NRXN3: variants seen among roughly 807,000 people sequenced by gnomAD.
The protein encoded by NRXN3 is neurexin 3, also known as neurexin III.
Under a neutral mutation model 137.6 loss-of-function variants are expected in NRXN3, and 32 were observed. That is an observed-to-expected ratio of 0.23 (90% CI 0.18 to 0.31). The LOEUF (loss-of-function observed/expected upper bound fraction) is 0.31. Ranked by LOEUF, NRXN3 falls within the 10% of genes least tolerant of loss-of-function variation. The pLI is 1.00. For synonymous variants in NRXN3, 798 were observed against 784.5 expected (o/e 1.02, Z -0.29); for missense variants, 1,574 against 2,062.5 (o/e 0.76, Z 4.59).
At chr14:79,677,408 A>G (rs1811403035) in intron 17 of NRXN3, among the ~76,000 whole-genome samples, 1 of 152,154 alleles carries the variant, frequency 6.6e-6, no homozygotes. Context: ...TGTTTCAAAT[A>G]AAATAAAAAT....
At chr14:79,008,659 TG>T (rs2099561282) in intron 15 of NRXN3, among the ~76,000 whole-genome samples, 1 of 146,682 alleles carries the variant, frequency 6.8e-6, no homozygotes, top group Non-Finnish European at 1.5e-5. Context: ...TTTTTCTCTT[TG>T]CTTTTTTTTT....
chr14:78,344,388 T>A (rs1484217183), intron 4 of NRXN3, among the ~76,000 whole-genome samples: 1 of 152,200 alleles, frequency 6.6e-6, no homozygotes, highest in African/African-American at 2.4e-5. Context: ...TTTAGGATTC[T>A]CTCACATGAC....
intron 19 of NRXN3, among the ~76,000 whole-genome samples, chr14:79,705,628 C>T (rs1376229108): frequency 1.3e-5 from 2 of 152,120 alleles, no homozygotes; most frequent in Non-Finnish European, 2.9e-5. Flanking sequence ...ATGTGCCAAG[C>T]GTGCCTGTGC....
At chr14:78,551,544 T>A (rs1044778445) in intron 4 of NRXN3, among the ~76,000 whole-genome samples, 1 of 151,894 alleles carries the variant, frequency 6.6e-6, no homozygotes, top group South Asian at 2.1e-4. Context: ...TCTAGTTTTT[T>A]AATCTCACCT....
Position 78,709,253 on chromosome 14 carries a change from T to A in NRXN3, c.1258T>A (p.Ser420Thr). 1 of 1,614,046 alleles carries A rather than the reference T, an allele frequency of 6.2e-7. No homozygotes were observed. The highest frequency in any genetic ancestry group is 8.5e-7 in the Non-Finnish European group (1 of 1,179,976). Residue 420 changes from serine to threonine, a missense_variant, in exon 7 of 21, where the codon TCT (serine) becomes ACT (threonine). Physicochemically the swap from Ser to Thr is moderately conservative, Grantham distance 58. This residue lies in a region of NRXN3 where 718 missense variants were observed against 887.6 expected (regional missense o/e 0.81). Transcript: ENST00000335750. The stretch of plus-strand genomic sequence containing the variant: ...GAATAATGACATCCGTCTGGAGCTG[T>A]CTCGCCTGGCCCGGATTGCGGACAC... Reference protein sequence around the residue: ...YKNNDIRLELSRLARIADTKM... With the variant: ...YKNNDIRLELTRLARIADTKM...
intron 15 of NRXN3, among the ~76,000 whole-genome samples, chr14:79,250,164 G>C (rs935475456): frequency 2.0e-5 from 3 of 152,072 alleles, no homozygotes; most frequent in African/African-American, 7.2e-5. Flanking sequence ...AGTAAAAATA[G>C]TAAGTGTGTA....
intron 2 of NRXN3, among the ~76,000 whole-genome samples, chr14:78,251,273 T>TA (rs957579801): frequency 3.0e-4 from 45 of 151,266 alleles, no homozygotes; most frequent in African/African-American, 7.0e-4. Context: ...TCTCTGCATG[T>TA]AAAAAAAAAC....
intron 4 of NRXN3, among the ~76,000 whole-genome samples, chr14:78,367,501 A>G (rs939257818): frequency 2.0e-5 from 3 of 152,144 alleles, no homozygotes; most frequent in African/African-American, 7.2e-5. Context: ...TATGCTTACA[A>G]TTCACAACCA....
At chr14:79,663,538 T>C (rs947727621) in intron 16 of NRXN3, among the ~76,000 whole-genome samples, 1 of 152,098 alleles carries the variant, frequency 6.6e-6, no homozygotes, top group Non-Finnish European at 1.5e-5. Flanking sequence ...TGAGGGGAAT[T>C]GAATGATGTA....
In NRXN3 at chr14:78,751,023, G is replaced by A. The variant is rs59924061; in HGVS notation, c.2044+35884G>A. ...AAGCGGGGAGGCCGTTTTGTCATGC[G>A]GCTTAGGTGGAGGAGAGATAGTAAG... On this transcript the variant is annotated intron_variant, in intron 8 of 20. Coordinates refer to ENST00000335750, the MANE Select transcript of NRXN3 (RefSeq NM_001330195.2). Among the ~76,000 whole-genome samples, 846 of 152,250 alleles carry A rather than the reference G, an allele frequency of 5.6e-3. 26 individuals are homozygous for A. The East Asian group carries it at 0.11, about 20-fold the overall frequency.
chr14:79,032,167 G>A (rs1247336269), intron 15 of NRXN3, among the ~76,000 whole-genome samples: 1 of 152,056 alleles, frequency 6.6e-6, no homozygotes, highest in African/African-American at 2.4e-5. Flanking sequence ...AGTATTTAAA[G>A]GTACTTGATA....
intron 15 of NRXN3, among the ~76,000 whole-genome samples, chr14:79,398,842 T>C (rs933429673): frequency 5.9e-5 from 9 of 151,636 alleles, no homozygotes; most frequent in African/African-American, 1.9e-4. Flanking sequence ...AAACCCTGTC[T>C]CTACTAAAAA....
At chr14:78,396,018 CA>C (rs2091417390) in intron 4 of NRXN3, among the ~76,000 whole-genome samples, 1 of 151,734 alleles carries the variant, frequency 6.6e-6, no homozygotes, top group Non-Finnish European at 1.5e-5. Context: ...TCTACTATTT[CA>C]TTGTTTTCTA....
rs1490845219 is a variant in NRXN3 at position 79,867,749 on chromosome 14, G to T, written c.*5785G>T. The T allele has an allele frequency of 6.6e-6, 1 of 152,140 alleles. No individual in the cohort carries two copies. Among genetic ancestry groups the T allele is most frequent in the Non-Finnish European group, 1.5e-5 (1 of 68,052 alleles). 9.4% of individuals were successfully genotyped at this position (152,140 alleles called of 1,614,324 possible). On this transcript the variant is annotated 3_prime_UTR_variant, in exon 21 of 21. Coordinates refer to ENST00000335750, the MANE Select transcript of NRXN3 (RefSeq NM_001330195.2). Reference sequence around the variant, plus strand: ...GGGAAGCAATTCTAACCTTTTTGAAGTGGTTACATGGCCCAAGTAGAAGAG... The same window carrying T: ...GGGAAGCAATTCTAACCTTTTTGAATTGGTTACATGGCCCAAGTAGAAGAG...
At chr14:78,321,003 C>A in intron 4 of NRXN3, among the ~76,000 whole-genome samples, 1 of 150,746 alleles carries the variant, frequency 6.6e-6, no homozygotes, top group East Asian at 1.9e-4. Flanking sequence ...GTAATCCCAG[C>A]TACTCAGGAG....
At chr14:79,517,087 G>A (rs1477579181) in intron 16 of NRXN3, among the ~76,000 whole-genome samples, 2 of 88,706 alleles carry the variant, frequency 2.3e-5, no homozygotes, top group Non-Finnish European at 4.6e-5. Flanking sequence ...TTACACAAAT[G>A]TACAGCCCCC....
At chr14:79,646,946 G>A (rs773084376) in intron 16 of NRXN3, among the ~76,000 whole-genome samples, 3 of 135,352 alleles carry the variant, frequency 2.2e-5, no homozygotes, top group Non-Finnish European at 3.4e-5. Flanking sequence ...TTTCATCTTT[G>A]TAGGAGGCAA....
intron 20 of NRXN3, among the ~76,000 whole-genome samples, chr14:79,832,435 C>G (rs549801474): frequency 2.0e-5 from 3 of 152,252 alleles, no homozygotes; most frequent in African/African-American, 4.8e-5. Context: ...GACCCTGAGC[C>G]GGTGCCTTAA....
At chr14:79,282,268 G>A (rs1168833131) in intron 15 of NRXN3, among the ~76,000 whole-genome samples, 4 of 152,164 alleles carry the variant, frequency 2.6e-5, no homozygotes, top group African/African-American at 9.7e-5. Context: ...GGAAGCCAGA[G>A]AGACTGTTAC....
Sources: gnomAD v4.1 joint callset for allele counts (sites outside exome capture counted in the v4.1 genomes callset) on GRCh38, gnomAD v4.1.1 for gene constraint, gnomAD v4.1.1 regional missense constraint, MANE v1.5 for transcripts, NCBI Gene and HGNC (gene_info 2026-07-23, HGNC 2026-07-21) for gene names.